Variants in CC2D2A observed in about 807,000 individuals in gnomAD.
The protein encoded by CC2D2A is coiled-coil and C2 domain-containing protein 2A.
A neutral mutation model predicts 212.9 loss-of-function variants in CC2D2A; 155 were observed. The ratio of observed to expected loss-of-function variants is 0.73; its 90% CI spans 0.64 to 0.83. The LOEUF is 0.83. Among genes scored for constraint, CC2D2A ranks in the 40% least tolerant of loss-of-function variants. The pLI is 0.00. For missense variants in CC2D2A, 1,856 were observed against 1,956.2 expected, an observed-to-expected ratio of 0.95 and a Z score of 0.97; for synonymous variants, 667 against 686.5, an observed-to-expected ratio of 0.97 and a Z score of 0.44.
At chr4:15,527,767 C>T in intron 12 of CC2D2A, 111 bp downstream of exon 12, 1 of 798,710 alleles carries the variant, frequency 1.3e-6, no homozygotes, top group Non-Finnish European at 2.0e-6. Flanking sequence ...TCACATGTTT[C>T]CTCGGTTTAG....
chr4:15,529,904 TTTATTATTA>T (rs199823724), intron 13 of CC2D2A, among the ~76,000 whole-genome samples: 7 of 150,208 alleles, frequency 4.7e-5, no homozygotes, highest in African/African-American at 1.7e-4. Flanking sequence ...TTTTTTTAAT[TTTATTATTA>T]TTAAGTTTTA....
intron 4 of CC2D2A, among the ~76,000 whole-genome samples, chr4:15,499,288 G>T (rs1006575911): frequency 6.6e-6 from 1 of 152,162 alleles, no homozygotes; most frequent in Non-Finnish European, 1.5e-5. Context: ...GTCAATGAAG[G>T]TTCATCAATT....
chr4:15,598,396 T>A (rs1721412774), intron 35 of CC2D2A, among the ~76,000 whole-genome samples: 1 of 152,054 alleles, frequency 6.6e-6, no homozygotes, highest in Non-Finnish European at 1.5e-5. Context: ...ATCAGCAGGG[T>A]TTCAATTTGA....
chr4:15,514,736 T>C lies in CC2D2A; in HGVS notation c.747T>C (p.Asp249=), dbSNP rs761409411. 3 of 1,601,188 alleles carry C rather than the reference T, an allele frequency of 1.9e-6. No homozygotes were observed. Among genetic ancestry groups the C allele is most frequent in the African/African-American group, 2.7e-5 (2 of 74,724 alleles). The change falls in exon 9 of 37, where the codon GAT becomes GAC. Residue 249 remains aspartate, a synonymous_variant. Transcript: ENST00000424120. ...AGGAAGAACTGCTTAATGGTGATGA[T>C]GCCGAGGACTTCCTATTGGGCTTAG... ...MDEEELLNGD[D]AEDFLLGLDH...
At position 15,551,067 on chromosome 4, in the gene CC2D2A, T is replaced by C. The variant is rs554222693; in HGVS notation, c.2338+87T>C. 87 of 1,131,024 alleles carry C rather than the reference T, an allele frequency of 7.7e-5. No homozygotes were observed. In the East Asian group the frequency reaches 1.2e-3, roughly 15 times the overall value. The allele number at this position is 1,131,024 out of a possible 1,614,324, so 70.1% of individuals were successfully genotyped here. On this transcript the variant is annotated intron_variant, in intron 18 of 36. Coordinates refer to ENST00000424120, the MANE Select transcript of CC2D2A (RefSeq NM_001378615.1). Reference sequence around the variant, plus strand: ...ATCTATTTCACTTCCCAGACAACCATAGAATTATAAAATTGATATCAAAAA... The same window carrying C: ...ATCTATTTCACTTCCCAGACAACCACAGAATTATAAAATTGATATCAAAAA...
In CC2D2A at chr4:15,537,060, C is replaced by T; in HGVS notation, c.1748C>T (p.Ala583Val). The change falls in exon 15 of 37, where the codon GCC becomes GTC. Residue 583 changes from alanine (A) to valine (V), a missense_variant. Around this residue, in one of 5 missense-constraint regions of CC2D2A, gnomAD observed 1,512 missense variants for 1,579.3 expected, o/e 0.96. Transcript: ENST00000424120. The part of the protein sequence containing the change: ...EYRTSLQQWK[A>V]WRKVQRAKKK... ...AGAACGTCGTTACAACAGTGGAAGG[C>T]CTGGAGGAAAGTGCAAGTGTGTAAA... 1 of 1,613,320 alleles carries T rather than the reference C, an allele frequency of 6.2e-7. No homozygotes were observed. The highest frequency in any genetic ancestry group is 2.2e-5 in the East Asian group (1 of 44,872).
In CC2D2A at chr4:15,550,838, C is replaced by T. The variant is rs764246302; in HGVS notation, c.2196C>T (p.Val732=). ...ESLTLQVYET[V]GHSSPTLLAE... Reference sequence around the variant, plus strand: ...CTGGTTTTCAGGTCTATGAAACTGTCGGACACAGTAGTCCCACCTTGCTAG... The same window carrying T: ...CTGGTTTTCAGGTCTATGAAACTGTTGGACACAGTAGTCCCACCTTGCTAG... The change falls in exon 18 of 37, where the codon GTC becomes GTT. Residue 732 remains valine, a synonymous_variant. Coordinates refer to ENST00000424120, the MANE Select transcript of CC2D2A (RefSeq NM_001378615.1). 1.0e-5 allele frequency: 16 copies of T among 1,570,754 alleles called. No homozygotes were observed. In the East Asian group the frequency reaches 1.1e-4, roughly 11 times the overall value.
chr4:15,490,435 A>G (rs1304923753), intron 4 of CC2D2A, among the ~76,000 whole-genome samples: 3 of 152,172 alleles, frequency 2.0e-5, no homozygotes, highest in African/African-American at 7.2e-5. Flanking sequence ...TAGCATAATG[A>G]TTTTTGAGAT....
intron 36 of CC2D2A, 46 bp from the exon 37 acceptor site, chr4:15,601,190 TA>T (rs1406216353): frequency 1.4e-6 from 2 of 1,466,710 alleles, no homozygotes. Context: ...AAAAATGTAT[TA>T]AATCTTCAAA....
rs1438393130 is a variant in CC2D2A at position 15,574,797 on chromosome 4, C to T, written c.3771+471C>T. ...AGACTAGATGACCTTCATGAGTCAC[C>T]TCAATTCATTTCATGAAATAAATAT... On this transcript the variant is annotated intron_variant, in intron 29 of 36. Transcript: ENST00000424120. 1.8e-4 allele frequency among the ~76,000 whole-genome samples: 28 copies of T among 152,198 alleles called. 1 individual carries two copies. Among genetic ancestry groups the T allele is most frequent in the Admixed American group, 1.8e-3 (28 of 15,284 alleles).
At chr4:15,478,568 G>A (rs1392821868) in intron 2 of CC2D2A, among the ~76,000 whole-genome samples, 155 bp from the exon 3 acceptor site, 1 of 152,216 alleles carries the variant, frequency 6.6e-6, no homozygotes, top group Non-Finnish European at 1.5e-5. Flanking sequence ...AAGAGTGGAT[G>A]ATGAGAGCCG....
intron 11 of CC2D2A, among the ~76,000 whole-genome samples, chr4:15,517,577 G>A (rs566456138): frequency 6.6e-5 from 10 of 152,288 alleles, no homozygotes; most frequent in South Asian, 2.1e-4. Flanking sequence ...AGGCAGGCAC[G>A]ATAGCAGTGT....
At chr4:15,478,867 C>G (rs979549049) in intron 3 of CC2D2A, 61 bp downstream of exon 3, 1 of 1,330,200 alleles carries the variant, frequency 7.5e-7, no homozygotes, top group Non-Finnish European at 1.1e-6. Flanking sequence ...CGCCTGCATC[C>G]CCAGGGCCAT....
rs886038408 is a variant in CC2D2A at position 15,528,591 on chromosome 4, C to G, written c.1360-29C>G. ...CTGCAGTAGGGAATAGAGTTTGTAA[C>G]CCAAAACTTGTATCCATGTCGTTTT... is the stretch of plus-strand genomic sequence containing the variant. On this transcript the variant is annotated intron_variant, in intron 12 of 36. Coordinates refer to ENST00000424120, the MANE Select transcript of CC2D2A (RefSeq NM_001378615.1). The G allele has an allele frequency of 6.3e-7, 1 of 1,596,398 alleles. No individual in the cohort carries two copies. Among genetic ancestry groups the G allele is most frequent in the Non-Finnish European group, 8.6e-7 (1 of 1,164,204 alleles).
chr4:15,485,139 A>G (rs1417699668), intron 4 of CC2D2A, among the ~76,000 whole-genome samples: 1 of 152,228 alleles, frequency 6.6e-6, no homozygotes, highest in East Asian at 1.9e-4. Context: ...AATGCTCAAG[A>G]CAGGGTCCTG....
Position 15,563,493 on chromosome 4 carries a change from C to A in CC2D2A, c.3153C>A (p.Tyr1051Ter). 1 of 1,612,322 alleles carries A rather than the reference C, an allele frequency of 6.2e-7. No individual in the cohort carries two copies. The highest frequency in any genetic ancestry group is 8.5e-7 in the Non-Finnish European group (1 of 1,179,296). ...TGCTGGTGAACATTGTGCGAGCTTA[C>A]GACATTCCAGTGAGGAAGCCGGCAG... ...IKLLVNIVRA[Y>*]DIPVRKPAVS... The change falls in exon 24 of 37, where the codon TAC becomes TAA. Residue 1051 changes from tyrosine to a stop codon, truncating the protein, a stop_gained. Coordinates refer to ENST00000424120, the MANE Select transcript of CC2D2A (RefSeq NM_001378615.1). LOFTEE classifies it high-confidence loss of function.
chr4:15,579,366 G>A (rs916837819), intron 29 of CC2D2A, among the ~76,000 whole-genome samples: 4 of 151,668 alleles, frequency 2.6e-5, no homozygotes, highest in African/African-American at 9.7e-5. Context: ...GCTCATCTTG[G>A]CTCAGAGAAC....
Position 15,557,458 on chromosome 4 carries a change from A to G in CC2D2A, c.2780A>G (p.Tyr927Cys). The change falls in exon 21 of 37, where the codon TAT (tyrosine) becomes TGT (cysteine). Residue 927 changes from tyrosine (Y) to cysteine (C), a missense_variant. Coordinates refer to ENST00000424120, the MANE Select transcript of CC2D2A (RefSeq NM_001378615.1). ...RSQEVPEFRN[Y>C]KQVPVYDREI... ...CAAGAGGTGCCAGAATTCCGAAATTATAAGCAAGTTCCAGTCTATGACCGA... is the reference window on the plus strand; with the variant it reads ...CAAGAGGTGCCAGAATTCCGAAATTGTAAGCAAGTTCCAGTCTATGACCGA... 2 of 1,612,710 alleles carry G rather than the reference A, an allele frequency of 1.2e-6. No homozygotes were observed. The highest frequency in any genetic ancestry group is 2.2e-5 in the East Asian group (1 of 44,832).
chr4:15,561,260 T>C (rs1049437661), intron 23 of CC2D2A, among the ~76,000 whole-genome samples: 1 of 152,234 alleles, frequency 6.6e-6, no homozygotes, highest in African/African-American at 2.4e-5. Flanking sequence ...CCCATACTGG[T>C]GGTCTTGTGC....
Sources: allele counts gnomAD v4.1 joint callset (sites outside exome capture counted in the v4.1 genomes callset), GRCh38; gene constraint gnomAD v4.1.1; regional missense constraint gnomAD v4.1.1; transcripts MANE v1.5; gene names NCBI Gene and HGNC (gene_info 2026-07-23, HGNC 2026-07-21).